Variants in DOCK5 observed in about 807,000 individuals in gnomAD.
The protein encoded by DOCK5 is dedicator of cytokinesis 5, also known as dedicator of cytokinesis protein 5.
Under a neutral mutation model 251.8 loss-of-function variants are expected in DOCK5, and 142 were observed. The ratio of observed to expected loss-of-function variants is 0.56; its 90% confidence interval spans 0.49 to 0.65. DOCK5 has a LOEUF of 0.65. DOCK5 is among the 30% of genes least tolerant of loss of function. DOCK5 has a pLI of 0.00. For synonymous variants in DOCK5, 842 were observed against 835.5 expected, an observed-to-expected ratio of 1.01 and a Z score of -0.13; for missense variants, 2,111 against 2,312.3, an observed-to-expected ratio of 0.91 and a Z score of 1.79.
chr8:25,380,252 A>G, intron 38 of DOCK5, 53 bp from the exon 39 acceptor site: 1 of 1,530,836 alleles, frequency 6.5e-7, no homozygotes, highest in Non-Finnish European at 8.9e-7. Flanking sequence ...TTTGCCACTG[A>G]ATCAATGACT....
chr8:25,401,163 C>T (rs1344420735), intron 47 of DOCK5, 97 bp downstream of exon 47: 16 of 1,509,942 alleles, frequency 1.1e-5, no homozygotes, highest in Non-Finnish European at 1.3e-5. Context: ...GTTGTAATAA[C>T]TTAGCTATGG....
At chr8:25,311,146 C>A (rs371937420) in intron 13 of DOCK5, among the ~76,000 whole-genome samples, 1 of 152,066 alleles carries the variant, frequency 6.6e-6, no homozygotes, top group Non-Finnish European at 1.5e-5. Flanking sequence ...TTGCTGACTT[C>A]GCCCATTTAA....
At chr8:25,385,387 G>A (rs780336164) in intron 40 of DOCK5, among the ~76,000 whole-genome samples, 17 of 152,118 alleles carry the variant, frequency 1.1e-4, no homozygotes, top group Non-Finnish European at 1.6e-4. Flanking sequence ...ACAGAGAAGC[G>A]GAAATACTAG....
rs114846958 is a variant in DOCK5, at chr8:25,314,042, G to C, written c.1319-2965G>C. On this transcript the variant is annotated intron_variant, in intron 13 of 51. Coordinates refer to ENST00000276440, the MANE Select transcript of DOCK5 (RefSeq NM_024940.8). ...GTCACCTTCAAATCTGTAGCTCCAG[G>C]ACCAAGACCTCTTTAATGAATTCTA... 9.0e-3 allele frequency among the ~76,000 whole-genome samples: 1,352 copies of C among 150,668 alleles called. 30 individuals carry two copies. Among genetic ancestry groups the C allele is most frequent in the African/African-American group, 0.032 (1,305 of 40,982 alleles).
At chr8:25,250,115 T>C (rs1563324480) in intron 2 of DOCK5, among the ~76,000 whole-genome samples, 1 of 152,214 alleles carries the variant, frequency 6.6e-6, no homozygotes, top group Non-Finnish European at 1.5e-5. Context: ...ATAGGGTAAC[T>C]CAATGTTTAA....
At chr8:25,304,486 A>G in intron 11 of DOCK5, 159 bp downstream of exon 11, 1 of 585,848 alleles carries the variant, frequency 1.7e-6, no homozygotes, top group Non-Finnish European at 2.8e-6. Flanking sequence ...GACTTTATTC[A>G]AAGTCCTTGA....
chr8:25,276,387 T>C (rs934929762), intron 4 of DOCK5, among the ~76,000 whole-genome samples: 1 of 152,226 alleles, frequency 6.6e-6, no homozygotes, highest in African/African-American at 2.4e-5. Context: ...CCACCTCATT[T>C]GTCCTGGGAA....
intron 44 of DOCK5, among the ~76,000 whole-genome samples, chr8:25,394,883 T>C (rs1166469300): frequency 6.6e-6 from 1 of 152,080 alleles, no homozygotes; most frequent in African/African-American, 2.4e-5. Context: ...CCCCAATCTT[T>C]TTGACACAGG....
rs74299772 is a variant in DOCK5 at position 25,335,394 on chromosome 8, T to G, written c.2193-845T>G. 1.6e-3 allele frequency among the ~76,000 whole-genome samples: 242 copies of G among 152,150 alleles called. 7 individuals are homozygous for G. The East Asian group carries it at 0.034, about 22-fold the overall frequency. Reference sequence around the variant, plus strand: ...ACTTGATCAATTCTATATGTTTCCTTTTTAAAAAATAATAATTCGGCCGAG... The same window carrying G: ...ACTTGATCAATTCTATATGTTTCCTGTTTAAAAAATAATAATTCGGCCGAG... On this transcript the variant is annotated intron_variant, in intron 21 of 51. Transcript: ENST00000276440.
chr8:25,341,861 C>A, intron 24 of DOCK5, 52 bp downstream of exon 24: 1 of 1,440,492 alleles, frequency 6.9e-7, no homozygotes, highest in Non-Finnish European at 9.5e-7. Flanking sequence ...AACAGCTCCC[C>A]TGCTTGGCTG....
At chr8:25,300,829 T>C (rs540215542) in intron 9 of DOCK5, among the ~76,000 whole-genome samples, 172 bp downstream of exon 9, 1 of 151,458 alleles carries the variant, frequency 6.6e-6, no homozygotes, top group Admixed American at 6.6e-5. Flanking sequence ...CAGGCACTGA[T>C]TTAGACACTT....
chr8:25,317,868 C>T (rs1286253966), intron 14 of DOCK5, among the ~76,000 whole-genome samples: 1 of 152,096 alleles, frequency 6.6e-6, no homozygotes, highest in African/African-American at 2.4e-5. Context: ...ACCTTGGCCT[C>T]CCAGAGTGCT....
intron 40 of DOCK5, among the ~76,000 whole-genome samples, chr8:25,386,116 CAAGGG>C (rs1240781592): frequency 2.0e-5 from 3 of 152,082 alleles, no homozygotes; most frequent in African/African-American, 7.3e-5. Context: ...TGCACGTACT[CAAGGG>C]GAGGTACATT....
intron 1 of DOCK5, among the ~76,000 whole-genome samples, chr8:25,239,341 A>ATGTGTGTGTGTGTGTGTGTG (rs55869213): frequency 1.4e-5 from 2 of 142,204 alleles, no homozygotes; most frequent in African/African-American, 5.5e-5. Context: ...GTGTGTGTGT[A>ATGTGTGTGTGTGTGTGTGTG]TGTGTGTGTG....
chr8:25,310,575 A>G, intron 13 of DOCK5, 43 bp downstream of exon 13: 2 of 1,551,230 alleles, frequency 1.3e-6, no homozygotes, highest in Non-Finnish European at 1.7e-6. Context: ...CCTCCTGTTC[A>G]GCGATTATTT....
At chr8:25,332,055 C>G (rs954884834) in intron 18 of DOCK5, among the ~76,000 whole-genome samples, 196 bp from the exon 19 acceptor site, 1 of 152,026 alleles carries the variant, frequency 6.6e-6, no homozygotes, top group African/African-American at 2.4e-5. Flanking sequence ...TAATTTTTTT[C>G]TCTTTGAAGA....
In DOCK5 at chr8:25,364,625, G is replaced by A. The variant is rs1289043767; in HGVS notation, c.3045-1G>A. The A allele has an allele frequency of 6.3e-7, 1 of 1,596,018 alleles. No individual in the cohort carries two copies. The highest frequency in any genetic ancestry group is 8.6e-7 in the Non-Finnish European group (1 of 1,169,290). ...CTTTATCTGGTGTTTTCCTTCCGCA[G>A]GGTTTTTCTCCGTGCTATAAATCAG... On this transcript the variant is annotated splice_acceptor_variant, in intron 29 of 51. Coordinates refer to ENST00000276440, the MANE Select transcript of DOCK5 (RefSeq NM_024940.8). LOFTEE classifies it high-confidence loss of function.
chr8:25,308,420 CAGA>C (rs1805002994), intron 11 of DOCK5, among the ~76,000 whole-genome samples: 1 of 152,072 alleles, frequency 6.6e-6, no homozygotes, highest in South Asian at 2.1e-4. Context: ...CACTATCAAG[CAGA>C]AGTAGACCTG....
chr8:25,203,784 C>CT (rs1043693798), intron 1 of DOCK5, among the ~76,000 whole-genome samples: 3 of 152,106 alleles, frequency 2.0e-5, no homozygotes, highest in African/African-American at 7.2e-5. Flanking sequence ...TTTTATTTGC[C>CT]TTTTTTCGCC....
Sources: allele counts gnomAD v4.1 joint callset (sites outside exome capture counted in the v4.1 genomes callset), GRCh38; gene constraint gnomAD v4.1.1; transcripts MANE v1.5; gene names NCBI Gene and HGNC (gene_info 2026-07-23, HGNC 2026-07-21).